The following UBE2V1 variants were observed in gnomAD, a reference collection of about 807,000 sequenced individuals.
UBE2V1 encodes the protein ubiquitin-conjugating enzyme E2 variant 1.
UBE2V1 carries 15 observed loss-of-function variants against 19.6 expected under a neutral mutation model. The ratio of observed to expected loss-of-function variants is 0.77; its 90% CI spans 0.51 to 1.18. The LOEUF (loss-of-function observed/expected upper bound fraction) is 1.18, where lower values mean the gene tolerates loss of function less well. Among genes scored for constraint, UBE2V1 ranks in the 50% most tolerant of loss-of-function variants. The probability of loss-of-function intolerance (pLI) is 0.00; values close to 1 mark genes in which losing one functional copy is unlikely to be tolerated. For missense variants in UBE2V1, 125 were observed against 184.8 expected (o/e 0.68, Z 1.88); for synonymous variants, 60 against 60.7 (o/e 0.99, Z 0.05).
At chr20:50,102,009 G>A (rs1001142292) in intron 1 of UBE2V1, among the ~76,000 whole-genome samples, 1 of 152,112 alleles carries the variant, frequency 6.6e-6, no homozygotes, top group Admixed American at 6.5e-5. Context: ...AGCTGCAAAA[G>A]GCTCAGAGTA....
chr20:50,110,062 A>G (rs551503359), intron 1 of UBE2V1, among the ~76,000 whole-genome samples: 2 of 152,252 alleles, frequency 1.3e-5, no homozygotes, highest in Non-Finnish European at 2.9e-5. Flanking sequence ...CTGAATGTGC[A>G]TATGAGGCCA....
In UBE2V1 at chr20:50,082,817, T is replaced by C. The variant is rs749546638; in HGVS notation, c.395A>G (p.Glu132Gly). 1 of 1,613,406 alleles carries C rather than the reference T, an allele frequency of 6.2e-7. No homozygotes were observed. The highest frequency in any genetic ancestry group is 8.5e-7 in the Non-Finnish European group (1 of 1,179,850). ...GGGCGGCTGAGGGAGTTTCATATTTTCTTTAGACATCATTAGGCGCCGAAG... is the reference window on the plus strand; with the variant it reads ...GGGCGGCTGAGGGAGTTTCATATTTCCTTTAGACATCATTAGGCGCCGAAG... ...QELRRLMMSK[E>G]NMKLPQPPEG... is the part of the protein sequence containing the mutation. The change falls in exon 4 of 4, where the codon GAA (glutamate) becomes GGA (glycine). Residue 132 changes from glutamate (E) to glycine (G), a missense_variant. Transcript: ENST00000371674.
At chr20:50,090,039 G>A (rs2079133236) in intron 2 of UBE2V1, among the ~76,000 whole-genome samples, 4 of 152,218 alleles carry the variant, frequency 2.6e-5, no homozygotes, top group Admixed American at 2.6e-4. Context: ...CAAGTGCCAG[G>A]TTCTGACAGC....
intron 1 of UBE2V1, among the ~76,000 whole-genome samples, chr20:50,099,290 C>T (rs770598361): frequency 3.3e-5 from 5 of 152,172 alleles, no homozygotes; most frequent in Non-Finnish European, 7.3e-5. Context: ...AACCTGCTGA[C>T]ACCTTGATCT....
chr20:50,096,878 TA>T (rs2147091237), intron 1 of UBE2V1, 58 bp from the exon 2 acceptor site: 1 of 1,599,740 alleles, frequency 6.3e-7, no homozygotes, highest in African/African-American at 1.3e-5. Context: ...CTTGTAAGCC[TA>T]GAGCTAGCTG....
chr20:50,112,540 T>TA (rs993690082), intron 1 of UBE2V1, among the ~76,000 whole-genome samples: 2 of 152,242 alleles, frequency 1.3e-5, no homozygotes, highest in African/African-American at 4.8e-5. Context: ...TCAACATAGC[T>TA]ATTTCCTCAG....
rs1260674091 is a variant in UBE2V1 at position 50,113,094 on chromosome 20, C to T, written c.22+13G>A. On this transcript the variant is annotated intron_variant, in intron 1 of 3. Transcript: ENST00000371674. ...TGCCCCCTCGGCCGGCCGGGCCCGG[C>T]GCCCCCGCTCACCCGAGCCCGTGGT... 4 of 1,277,230 alleles carry T rather than the reference C, an allele frequency of 3.1e-6. No individual in the cohort carries two copies. The highest frequency in any genetic ancestry group is 2.0e-5 in the South Asian group (1 of 50,386). The allele number at this position is 1,277,230 out of a possible 1,614,324, so 79.1% of individuals were successfully genotyped here. A position where few individuals can be genotyped will look rare whatever the true frequency, so the allele number is the denominator to read the frequency against.
chr20:50,090,208 T>C (rs1016264637), intron 2 of UBE2V1, among the ~76,000 whole-genome samples: 6 of 152,208 alleles, frequency 3.9e-5, no homozygotes, highest in East Asian at 1.9e-4. Flanking sequence ...GTATTGGGTA[T>C]CAATCCAAAG....
chr20:50,088,212 T>C (rs2079033734), intron 2 of UBE2V1, among the ~76,000 whole-genome samples: 1 of 151,100 alleles, frequency 6.6e-6, no homozygotes, highest in Non-Finnish European at 1.5e-5. Flanking sequence ...ACCTGAGAAA[T>C]GTCATTGCCA....
chr20:50,104,298 A>AAG (rs2080210832), intron 1 of UBE2V1: 2 of 978,304 alleles, frequency 2.0e-6, no homozygotes, highest in African/African-American at 1.8e-5. Context: ...AAAAAAAAAA[A>AAG]GGCAGTATTT....
rs766881545 is a variant in UBE2V1 at position 50,082,777 on chromosome 20, G to T, written c.435C>A (p.Tyr145Ter). The change falls in exon 4 of 4, where the codon TAC becomes TAA. Residue 145 changes from tyrosine to a stop codon, truncating the protein, a stop_gained. Coordinates refer to ENST00000371674, the MANE Select transcript of UBE2V1 (RefSeq NM_001032288.3). LOFTEE classifies it high-confidence loss of function. The stretch of plus-strand genomic sequence containing the variant: ...TGGTTTTTCTTTTTGATTAATTGCT[G>T]TAACACTGTCCTTCGGGCGGCTGAG... ...KLPQPPEGQCYSN is the reference protein window; with the variant it reads ...KLPQPPEGQC 5 of 1,612,008 alleles carry T rather than the reference G, an allele frequency of 3.1e-6. No homozygotes were observed. The highest frequency in any genetic ancestry group is 1.7e-6 in the Non-Finnish European group (2 of 1,179,830).
Position 50,112,019 on chromosome 20 carries a change from C to T in UBE2V1, c.22+1088G>A, listed in dbSNP as rs115910948. ...CAAGAGTTCCCATTTCATCTATTCA[C>T]CTCCCTACTCCCATCAGCCAGTGGG... On this transcript the variant is annotated intron_variant, in intron 1 of 3. Coordinates refer to ENST00000371674, the MANE Select transcript of UBE2V1 (RefSeq NM_001032288.3). Among the ~76,000 whole-genome samples the T allele has an allele frequency of 6.9e-3, 1,054 of 152,322 alleles. 7 individuals carry two copies. The highest frequency in any genetic ancestry group is 0.022 in the African/African-American group (904 of 41,570).
intron 1 of UBE2V1, among the ~76,000 whole-genome samples, chr20:50,097,948 T>C (rs1432254313): frequency 2.6e-5 from 4 of 152,206 alleles, no homozygotes; most frequent in African/African-American, 9.7e-5. Flanking sequence ...CGGGGACTTT[T>C]CTAAGCACTG....
Position 50,084,148 on chromosome 20 carries a change from A to G in UBE2V1, c.278T>C (p.Val93Ala), listed in dbSNP as rs1455390007. The G allele has an allele frequency of 5.0e-6, 8 of 1,602,298 alleles. No homozygotes were observed. Among genetic ancestry groups the G allele is most frequent in the South Asian group, 1.1e-5 (1 of 88,996 alleles). Residue 93 changes from valine (V) to alanine (A), a missense_variant, in exon 3 of 4, where the codon GTA becomes GCA. Transcript: ENST00000371674. ...RFVTKINMNG[V>A]NSSNGVVDPR... ...ACTTACCACTCCATTAGAACTATTTACTCCATTCATATTAATTTTTGTTAC... is the reference window on the plus strand; with the variant it reads ...ACTTACCACTCCATTAGAACTATTTGCTCCATTCATATTAATTTTTGTTAC...
At position 50,082,726 on chromosome 20, in the gene UBE2V1, G is replaced by A. The variant is rs748150641; in HGVS notation, c.*42C>T. 2.1e-5 allele frequency: 33 copies of A among 1,596,768 alleles called. No homozygotes were observed. The highest frequency in any genetic ancestry group is 1.0e-4 in the Admixed American group (6 of 58,402). ...GTGGAAAATGAAGACTGATTAAATC[G>A]AATTGGGGGGAAGGGGAAGGGCCTG... On this transcript the variant is annotated 3_prime_UTR_variant, in exon 4 of 4. Coordinates refer to ENST00000371674, the MANE Select transcript of UBE2V1 (RefSeq NM_001032288.3).
At chr20:50,100,243 T>C (rs2079898359) in intron 1 of UBE2V1, among the ~76,000 whole-genome samples, 1 of 148,134 alleles carries the variant, frequency 6.8e-6, no homozygotes, top group Non-Finnish European at 1.5e-5. Flanking sequence ...ATCACGCCAC[T>C]GCATTCCAGC....
intron 2 of UBE2V1, among the ~76,000 whole-genome samples, chr20:50,091,313 T>C (rs2079207855): frequency 1.3e-5 from 2 of 151,602 alleles, no homozygotes; most frequent in Admixed American, 6.6e-5. Flanking sequence ...CCCAAAGCGC[T>C]GGGATTACAG....
intron 2 of UBE2V1, among the ~76,000 whole-genome samples, chr20:50,092,291 C>T (rs1482821106): frequency 6.6e-6 from 1 of 152,154 alleles, no homozygotes; most frequent in Non-Finnish European, 1.5e-5. Flanking sequence ...CACTGCACTC[C>T]ACCCTGGGCA....
chr20:50,106,318 A>C (rs1253527927), intron 1 of UBE2V1, among the ~76,000 whole-genome samples: 24 of 152,256 alleles, frequency 1.6e-4, no homozygotes. Flanking sequence ...AAATATGGCA[A>C]CCAGGTTGAA....
Sources: gnomAD v4.1 joint callset for allele counts (sites outside exome capture counted in the v4.1 genomes callset) on GRCh38, gnomAD v4.1.1 for gene constraint, MANE v1.5 for transcripts, NCBI Gene and HGNC (gene_info 2026-07-23, HGNC 2026-07-21) for gene names.